CACNA2D3: variants seen among roughly 807,000 people sequenced by gnomAD.
CACNA2D3 encodes the protein voltage-dependent calcium channel subunit alpha-2/delta-3.
A neutral mutation model predicts 160.6 loss-of-function variants in CACNA2D3; 60 were observed. The observed-to-expected ratio is 0.37, with a 90% CI of 0.30 to 0.46. The LOEUF (loss-of-function observed/expected upper bound fraction) is 0.46. Ranked by LOEUF, CACNA2D3 falls within the 20% of genes least tolerant of loss-of-function variation. CACNA2D3 has a pLI of 1.00. For synonymous variants in CACNA2D3, 558 were observed against 492.9 expected (o/e 1.13, Z -1.75); for missense variants, 1,205 against 1,365.0 (o/e 0.88, Z 1.85).
chr3:54,656,538 T>C (rs1699877346), intron 11 of CACNA2D3, among the ~76,000 whole-genome samples: 1 of 152,156 alleles, frequency 6.6e-6, no homozygotes, highest in African/African-American at 2.4e-5. Flanking sequence ...CCATTTCCTT[T>C]GTAGGATAGG....
In CACNA2D3 at chr3:54,918,460, C is replaced by A. The variant is rs1161979815; in HGVS notation, c.2449+18592C>A. 5.0e-6 allele frequency: 8 copies of A among 1,608,880 alleles called. 1 individual carries two copies. The Admixed American group carries it at 1.3e-4, about 27-fold the overall frequency. ...CAATCCTATTTGAGACAAAAGCTCT[C>A]AGGCTGGTGAGCTGTCAAATCGCTC... On this transcript the variant is annotated intron_variant, in intron 27 of 37. Coordinates refer to ENST00000474759, the MANE Select transcript of CACNA2D3 (RefSeq NM_018398.3).
intron 2 of CACNA2D3, among the ~76,000 whole-genome samples, chr3:54,132,715 A>G (rs896348190): frequency 6.6e-6 from 1 of 152,240 alleles, no homozygotes; most frequent in South Asian, 2.1e-4. Flanking sequence ...TTAAAAATCT[A>G]CTTTTAAGAG....
intron 16 of CACNA2D3, among the ~76,000 whole-genome samples, chr3:54,839,175 G>C (rs905001582): frequency 6.6e-6 from 1 of 152,090 alleles, no homozygotes; most frequent in Non-Finnish European, 1.5e-5. Context: ...GGAGAATGGC[G>C]TGAACCTAGG....
intron 29 of CACNA2D3, among the ~76,000 whole-genome samples, chr3:54,970,212 T>C (rs569848733): frequency 7.9e-4 from 121 of 152,206 alleles, no homozygotes; most frequent in African/African-American, 2.8e-3. Flanking sequence ...GTGAAATAGG[T>C]AGGACTTGTT....
intron 4 of CACNA2D3, among the ~76,000 whole-genome samples, chr3:54,486,341 A>G (rs1433332159): frequency 6.6e-6 from 1 of 152,188 alleles, no homozygotes; most frequent in Non-Finnish European, 1.5e-5. Context: ...AAATGAGTAG[A>G]TGTTGTTGAT....
intron 4 of CACNA2D3, among the ~76,000 whole-genome samples, chr3:54,498,375 T>A (rs1382285990): frequency 6.6e-6 from 1 of 151,968 alleles, no homozygotes; most frequent in Non-Finnish European, 1.5e-5. Context: ...TGGCATAAAG[T>A]TGTTTGTAAT....
chr3:54,247,033 G>A (rs1038172805), intron 2 of CACNA2D3, among the ~76,000 whole-genome samples: 3 of 152,014 alleles, frequency 2.0e-5, no homozygotes, highest in Non-Finnish European at 2.9e-5. Context: ...ATCCTACTCC[G>A]GGGCGTGGTG....
chr3:54,866,586 A>G (rs778036868), intron 17 of CACNA2D3, among the ~76,000 whole-genome samples: 4 of 152,158 alleles, frequency 2.6e-5, no homozygotes, highest in Non-Finnish European at 4.4e-5. Context: ...AGCACACACA[A>G]TATTTGTTCC....
chr3:54,871,480 C>T (rs1475816123), intron 17 of CACNA2D3, 59 bp from the exon 18 acceptor site: 1 of 1,329,678 alleles, frequency 7.5e-7, no homozygotes, highest in African/African-American at 1.4e-5. Context: ...AAAGATTGCC[C>T]TGGCTGATGA....
At chr3:54,123,310 C>T (rs1396025851) in intron 1 of CACNA2D3, among the ~76,000 whole-genome samples, 3 of 151,902 alleles carry the variant, frequency 2.0e-5, no homozygotes, top group Admixed American at 2.0e-4. Context: ...TCCGCGACCC[C>T]CCTCGGGCCC....
chr3:54,310,357 G>C (rs778368291), intron 2 of CACNA2D3, among the ~76,000 whole-genome samples: 1 of 152,146 alleles, frequency 6.6e-6, no homozygotes, highest in Admixed American at 6.5e-5. Context: ...GCAATAATTG[G>C]GTTAAGAGGA....
At chr3:54,844,760 G>A (rs1040935399) in intron 16 of CACNA2D3, among the ~76,000 whole-genome samples, 1 of 152,122 alleles carries the variant, frequency 6.6e-6, no homozygotes, top group Non-Finnish European at 1.5e-5. Context: ...GCATTAAGAG[G>A]AGTCCTGCCT....
At chr3:54,555,564 G>A (rs6414587) in intron 5 of CACNA2D3, among the ~76,000 whole-genome samples, 113,907 of 152,072 alleles carry the variant, frequency 0.75, 42,773 homozygotes, top group Admixed American at 0.79. Flanking sequence ...GGTTGTGGGA[G>A]GCGCTCTTCA....
chr3:54,259,723 A>G (rs1020522943), intron 2 of CACNA2D3, among the ~76,000 whole-genome samples: 1 of 152,234 alleles, frequency 6.6e-6, no homozygotes, highest in Non-Finnish European at 1.5e-5. Flanking sequence ...TATATCATAA[A>G]TACTTTCTGT....
intron 24 of CACNA2D3, among the ~76,000 whole-genome samples, chr3:54,890,767 T>G (rs542882510): frequency 6.6e-6 from 1 of 152,100 alleles, no homozygotes; most frequent in African/African-American, 2.4e-5. Context: ...CTCTTTGGGG[T>G]TGGTGGTGAG....
chr3:54,990,589 A>G (rs1702717236), intron 31 of CACNA2D3, among the ~76,000 whole-genome samples: 4 of 152,144 alleles, frequency 2.6e-5, no homozygotes, highest in Admixed American at 2.6e-4. Flanking sequence ...TCCACAAACC[A>G]TCTTCTCCAG....
At position 54,309,610 on chromosome 3, in the gene CACNA2D3, T is replaced by C. The variant is rs140313376; in HGVS notation, c.205-10832T>C. ...ATTTAGTCAGGCACTCTAAAACAGC[T>C]AGTTGGGAGCATGGGCTCTGGGGGC... On this transcript the variant is annotated intron_variant, in intron 2 of 37. Transcript: ENST00000474759. Among the ~76,000 whole-genome samples the C allele has an allele frequency of 3.7e-3, 564 of 152,180 alleles. 15 individuals carry two copies. The East Asian group carries it at 0.061, about 17-fold the overall frequency.
chr3:54,627,995 G>A (rs1473618838), intron 10 of CACNA2D3, 119 bp downstream of exon 10: 1 of 689,694 alleles, frequency 1.4e-6, no homozygotes, highest in Non-Finnish European at 2.6e-6. Flanking sequence ...CCCTTTGGGA[G>A]GCCGAGATGG....
At position 54,293,592 on chromosome 3, in the gene CACNA2D3, C is replaced by A. The variant is rs75741945; in HGVS notation, c.205-26850C>A. Among the ~76,000 whole-genome samples the A allele has an allele frequency of 7.4e-3, 1,090 of 146,932 alleles. 13 individuals carry two copies. Among genetic ancestry groups the A allele is most frequent in the African/African-American group, 0.026 (1,055 of 40,862 alleles). On this transcript the variant is annotated intron_variant, in intron 2 of 37. Coordinates refer to ENST00000474759, the MANE Select transcript of CACNA2D3 (RefSeq NM_018398.3). ...ATATATATATATCAATATATCACAT[C>A]CATGCAGTGGAATACTATTCAGTAA...
Sources: allele counts gnomAD v4.1 joint callset (sites outside exome capture counted in the v4.1 genomes callset), GRCh38; gene constraint gnomAD v4.1.1; transcripts MANE v1.5; gene names NCBI Gene and HGNC (gene_info 2026-07-23, HGNC 2026-07-21).